FOXL2NB: variants seen among roughly 807,000 people sequenced by gnomAD.
The protein encoded by FOXL2NB is FOXL2 neighbor protein.
Under a neutral mutation model 7.4 loss-of-function variants are expected in FOXL2NB, and 10 were observed. That is an observed-to-expected ratio of 1.34 (90% confidence interval 0.83 to 2.28). FOXL2NB has a LOEUF of 2.28. FOXL2NB is among the 30% of genes most tolerant of loss of function. The pLI is 0.00. For missense variants in FOXL2NB, 228 were observed against 233.9 expected (o/e 0.97, Z 0.17); for synonymous variants, 104 against 105.3 (o/e 0.99, Z 0.08).
At position 138,947,680 on chromosome 3, in the gene FOXL2NB, C is replaced by T; in HGVS notation, c.100+216C>T. 2.2e-6 allele frequency: 3 copies of T among 1,334,186 alleles called. No homozygotes were observed. Among genetic ancestry groups the T allele is most frequent in the African/African-American group, 3.0e-5 (2 of 65,624 alleles). 82.6% of individuals were successfully genotyped at this position (1,334,186 alleles called of 1,614,324 possible). On this transcript the variant is annotated intron_variant, in intron 1 of 2. Coordinates refer to ENST00000383165, the MANE Select transcript of FOXL2NB (RefSeq NM_001040061.3). This position sits in a 1 kb window ranked among gnomAD's most constrained non-coding sequence, Gnocchi z 5.2. ...CCCTCGCGCTCTCAGAGTGACTGGG[C>T]TGGAATGGGGCAGGGGAGAGGATCT...
Position 138,950,952 on chromosome 3 carries a change from C to T in FOXL2NB, c.*380C>T, listed in dbSNP as rs1163958551. On this transcript the variant is annotated 3_prime_UTR_variant, in exon 3 of 3. Transcript: ENST00000383165. The stretch of plus-strand genomic sequence containing the variant: ...AGAAGCCTGTTGATTCTCTGATGTC[C>T]TTGGCCTGTGATTCGGGTGACTGGG... 7.6e-6 allele frequency: 2 copies of T among 261,554 alleles called. No homozygotes were observed. Among genetic ancestry groups the T allele is most frequent in the Non-Finnish European group, 1.4e-5 (2 of 138,626 alleles). 16.2% of individuals were successfully genotyped at this position (261,554 alleles called of 1,614,324 possible).
rs5852928 is a variant in FOXL2NB at position 138,949,391 on chromosome 3, C to CGTGTGTGT, written c.101-110_101-103dup. 0.014 allele frequency: 11,333 copies of CGTGTGTGT among 817,320 alleles called. 194 individuals carry two copies. The highest frequency in any genetic ancestry group is 0.084 in the African/African-American group (4,584 of 54,398). 50.6% of individuals were successfully genotyped at this position (817,320 alleles called of 1,614,324 possible). A position where few individuals can be genotyped will look rare whatever the true frequency, so the allele number is the denominator to read the frequency against. ...AAGAGCCTGTGTGTGTATGCATGTGCGTGTGTGTGTGTGTGTGTGTGTGTG... is the reference window on the plus strand; with the variant it reads ...AAGAGCCTGTGTGTGTATGCATGTGCGTGTGTGTGTGTGTGTGTGTGTGTGTGTGTGTG... On this transcript the variant is annotated intron_variant, in intron 1 of 2. Coordinates refer to ENST00000383165, the MANE Select transcript of FOXL2NB (RefSeq NM_001040061.3). The surrounding 1 kb of genome is among the most constrained non-coding windows in gnomAD (Gnocchi z 4.5).
chr3:138,947,249 C>T lies in FOXL2NB; in HGVS notation c.-116C>T, dbSNP rs1936005296. 3 of 806,290 alleles carry T rather than the reference C, an allele frequency of 3.7e-6. No individual in the cohort carries two copies. The highest frequency in any genetic ancestry group is 5.8e-6 in the Non-Finnish European group (3 of 515,324). The allele number at this position is 806,290 out of a possible 1,614,324, so 49.9% of individuals were successfully genotyped here. A position where few individuals can be genotyped will look rare whatever the true frequency, so the allele number is the denominator to read the frequency against. On this transcript the variant is annotated 5_prime_UTR_variant, in exon 1 of 3. Coordinates refer to ENST00000383165, the MANE Select transcript of FOXL2NB (RefSeq NM_001040061.3). The surrounding 1 kb of genome is among the most constrained non-coding windows in gnomAD (Gnocchi z 5.2). ...TCTCCAAGTCACTTTTTGTAAACGCCCCGCACAGCCTGGACCGGCCTGCCC... is the reference window on the plus strand; with the variant it reads ...TCTCCAAGTCACTTTTTGTAAACGCTCCGCACAGCCTGGACCGGCCTGCCC...
chr3:138,949,778 C>T lies in FOXL2NB; in HGVS notation c.220+139C>T. On this transcript the variant is annotated intron_variant, in intron 2 of 2. Transcript: ENST00000383165. The surrounding 1 kb of genome is among the most constrained non-coding windows in gnomAD (Gnocchi z 4.5). ...CAGAATCCTCTCCTTGCCGGCCCAG[C>T]CAGAGGTGGGTGAACCGGGCGCTCC... is the stretch of plus-strand genomic sequence containing the variant. 1 of 1,308,656 alleles carries T rather than the reference C, an allele frequency of 7.6e-7. No individual in the cohort carries two copies. 81.1% of individuals were successfully genotyped at this position (1,308,656 alleles called of 1,614,324 possible). A position where few individuals can be genotyped will look rare whatever the true frequency, so the allele number is the denominator to read the frequency against.
At position 138,950,658 on chromosome 3, in the gene FOXL2NB, AGG is replaced by A. The variant is rs1936113328; in HGVS notation, c.*88_*89del. On this transcript the variant is annotated 3_prime_UTR_variant, in exon 3 of 3. Transcript: ENST00000383165. ...ACAGGGCCCTTTGCACCCACACCTCAGGGACTCGGTGTCCCTCCACTCAGGTC... is the reference window on the plus strand; with the variant it reads ...ACAGGGCCCTTTGCACCCACACCTCAGACTCGGTGTCCCTCCACTCAGGTC... The A allele has an allele frequency of 3.5e-6, 5 of 1,423,524 alleles. No individual in the cohort carries two copies. Among genetic ancestry groups the A allele is most frequent in the Non-Finnish European group, 4.9e-6 (5 of 1,027,556 alleles). The allele number at this position is 1,423,524 out of a possible 1,614,324, so 88.2% of individuals were successfully genotyped here.
rs934866516 is a variant in FOXL2NB, at chr3:138,953,660, G to A, written c.*3088G>A. On this transcript the variant is annotated 3_prime_UTR_variant, in exon 3 of 3. Transcript: ENST00000383165. Reference sequence around the variant, plus strand: ...ACCACCACCTGGATCAAGATATGGAGCATTTCTGGCACTTCAGAAGGTTCC... The same window carrying A: ...ACCACCACCTGGATCAAGATATGGAACATTTCTGGCACTTCAGAAGGTTCC... Among the ~76,000 whole-genome samples the A allele has an allele frequency of 2.0e-5, 3 of 152,210 alleles. No homozygotes were observed. Among genetic ancestry groups the A allele is most frequent in the African/African-American group, 7.2e-5 (3 of 41,442 alleles).
At position 138,950,728 on chromosome 3, in the gene FOXL2NB, T is replaced by A; in HGVS notation, c.*156T>A. The A allele has an allele frequency of 1.4e-6, 1 of 733,934 alleles. No individual in the cohort carries two copies. The highest frequency in any genetic ancestry group is 2.3e-6 in the Non-Finnish European group (1 of 444,400). The allele number at this position is 733,934 out of a possible 1,614,324, so 45.5% of individuals were successfully genotyped here. A position where few individuals can be genotyped will look rare whatever the true frequency, so the allele number is the denominator to read the frequency against. ...TCTCTCTCCTTCTCCCTCTGTCAAC[T>A]CCAAATCCCCTCTAGTTCTCCCTCC... On this transcript the variant is annotated 3_prime_UTR_variant, in exon 3 of 3. Coordinates refer to ENST00000383165, the MANE Select transcript of FOXL2NB (RefSeq NM_001040061.3).
At position 138,949,417 on chromosome 3, in the gene FOXL2NB, T is replaced by TGTGTGTG; in HGVS notation, c.101-103_101-102insGTGTGTG. ...GTGTGTGTGTGTGTGTGTGTGTGTG[T>TGTGTGTG]AGGGGTTGGGGGCAAATGAAGGAGT... On this transcript the variant is annotated intron_variant, in intron 1 of 2. Coordinates refer to ENST00000383165, the MANE Select transcript of FOXL2NB (RefSeq NM_001040061.3). This position sits in a 1 kb window ranked among gnomAD's most constrained non-coding sequence, Gnocchi z 4.5. The TGTGTGTG allele has an allele frequency of 8.0e-7, 1 of 1,249,104 alleles. No homozygotes were observed. 77.4% of individuals were successfully genotyped at this position (1,249,104 alleles called of 1,614,324 possible).
In FOXL2NB at chr3:138,952,213, TCTCCACCCGCACG is replaced by T. The variant is rs1936145106; in HGVS notation, c.*1644_*1656del. On this transcript the variant is annotated 3_prime_UTR_variant, in exon 3 of 3. Transcript: ENST00000383165. ...CTGGCTTGCAAGGTAAGGCCTGCAGTCTCCACCCGCACGCTAACCCATGAGGGGATGCCAGAGA... is the reference window on the plus strand; with the variant it reads ...CTGGCTTGCAAGGTAAGGCCTGCAGTCTAACCCATGAGGGGATGCCAGAGA... 1 of 152,250 alleles carries T rather than the reference TCTCCACCCGCACG, an allele frequency of 6.6e-6. No homozygotes were observed. The highest frequency in any genetic ancestry group is 6.5e-5 in the Admixed American group (1 of 15,284). The allele number at this position is 152,250 out of a possible 1,614,324, so 9.4% of individuals were successfully genotyped here. A position where few individuals can be genotyped will look rare whatever the true frequency, so the allele number is the denominator to read the frequency against.
Position 138,947,908 on chromosome 3 carries a change from T to C in FOXL2NB, c.100+444T>C. ...TGTTGCCCGGGACTTTGCGGGACTG[T>C]GTATGTGTGTGCACAGGGGTCACAT... On this transcript the variant is annotated intron_variant, in intron 1 of 2. Transcript: ENST00000383165. This position sits in a 1 kb window ranked among gnomAD's most constrained non-coding sequence, Gnocchi z 5.2. The C allele has an allele frequency of 1.0e-6, 1 of 991,538 alleles. No individual in the cohort carries two copies. The highest frequency in any genetic ancestry group is 1.2e-6 in the Non-Finnish European group (1 of 834,214). 61.4% of individuals were successfully genotyped at this position (991,538 alleles called of 1,614,324 possible).
rs1288523967 is a variant in FOXL2NB, at chr3:138,949,560, C to T, written c.141C>T (p.Cys47=). The T allele has an allele frequency of 6.8e-6, 11 of 1,614,032 alleles. No individual in the cohort carries two copies. Among genetic ancestry groups the T allele is most frequent in the African/African-American group, 2.7e-5 (2 of 74,918 alleles). ...ALVKKRMPDA[C]TLGRAGIGLP... ...TGAAGAAGAGGATGCCTGATGCGTGCACCCTGGGAAGGGCTGGAATCGGTC... is the reference window on the plus strand; with the variant it reads ...TGAAGAAGAGGATGCCTGATGCGTGTACCCTGGGAAGGGCTGGAATCGGTC... The change falls in exon 2 of 3, where the codon TGC becomes TGT. Residue 47 remains cysteine (C), a synonymous_variant. Transcript: ENST00000383165. This position sits in a 1 kb window ranked among gnomAD's most constrained non-coding sequence, Gnocchi z 4.5.
At position 138,952,344 on chromosome 3, in the gene FOXL2NB, G is replaced by A. The variant is rs1936147649; in HGVS notation, c.*1772G>A. ...TGATAGGCAACTGCCATGGAGGAAG[G>A]CAGTTTTAGATGCCTAGCTGGCACA... On this transcript the variant is annotated 3_prime_UTR_variant, in exon 3 of 3. Coordinates refer to ENST00000383165, the MANE Select transcript of FOXL2NB (RefSeq NM_001040061.3). 1 of 152,200 alleles carries A rather than the reference G, an allele frequency of 6.6e-6. No homozygotes were observed. Among genetic ancestry groups the A allele is most frequent in the South Asian group, 2.1e-4 (1 of 4,828 alleles). The allele number at this position is 152,200 out of a possible 1,614,324, so 9.4% of individuals were successfully genotyped here.
rs1245997514 is a variant in FOXL2NB, at chr3:138,949,486, A to C, written c.101-34A>C. On this transcript the variant is annotated intron_variant, in intron 1 of 2. Transcript: ENST00000383165. The surrounding 1 kb of genome is among the most constrained non-coding windows in gnomAD (Gnocchi z 4.5). Reference sequence around the variant, plus strand: ...GAATAGAAAGGAGTTCTGCTCTGAAAATACTGATTTCTGACTGTCCCGTAG... The same window carrying C: ...GAATAGAAAGGAGTTCTGCTCTGAACATACTGATTTCTGACTGTCCCGTAG... 8 of 1,613,432 alleles carry C rather than the reference A, an allele frequency of 5.0e-6. No homozygotes were observed. Among genetic ancestry groups the C allele is most frequent in the Non-Finnish European group, 6.8e-6 (8 of 1,179,806 alleles).
At chr3:138,948,033 T>G in intron 1 of FOXL2NB, 1 of 973,952 alleles carries the variant, frequency 1.0e-6, no homozygotes, top group Non-Finnish European at 1.2e-6. Context: ...AGGTGTGAGA[T>G]TTGTATTTAC....
chr3:138,948,458 A>C (rs2107746606), intron 1 of FOXL2NB, among the ~76,000 whole-genome samples: 1 of 152,350 alleles, frequency 6.6e-6, no homozygotes, highest in South Asian at 2.1e-4. Context: ...TGGCCTAAAC[A>C]AAAAGTCTGC....
At position 138,953,680 on chromosome 3, in the gene FOXL2NB, G is replaced by A. The variant is rs892846111; in HGVS notation, c.*3108G>A. The stretch of plus-strand genomic sequence containing the variant: ...ATGGAGCATTTCTGGCACTTCAGAA[G>A]GTTCCTTCATATCTTTTTCCAATCA... On this transcript the variant is annotated 3_prime_UTR_variant, in exon 3 of 3. Transcript: ENST00000383165. Among the ~76,000 whole-genome samples the A allele has an allele frequency of 6.6e-6, 1 of 152,200 alleles. No individual in the cohort carries two copies. Among genetic ancestry groups the A allele is most frequent in the East Asian group, 1.9e-4 (1 of 5,196 alleles).
In FOXL2NB at chr3:138,950,608, A is replaced by G; in HGVS notation, c.*36A>G. ...TACACTCCACGCCTCAACAACTGTC[A>G]GCACTCACTCCCTCCCGGCCCCTCA... On this transcript the variant is annotated 3_prime_UTR_variant, in exon 3 of 3. Transcript: ENST00000383165. The G allele has an allele frequency of 6.2e-7, 1 of 1,607,586 alleles. No individual in the cohort carries two copies.
At position 138,947,659 on chromosome 3, in the gene FOXL2NB, C is replaced by G. The variant is rs1166601747; in HGVS notation, c.100+195C>G. 2.2e-6 allele frequency: 3 copies of G among 1,353,570 alleles called. No individual in the cohort carries two copies. In the Admixed American group the frequency reaches 1.1e-4, roughly 48 times the overall value. 83.8% of individuals were successfully genotyped at this position (1,353,570 alleles called of 1,614,324 possible). ...AGAAGCCTCGGCCTGGCCTGTCCCT[C>G]GCGCTCTCAGAGTGACTGGGCTGGA... On this transcript the variant is annotated intron_variant, in intron 1 of 2. Coordinates refer to ENST00000383165, the MANE Select transcript of FOXL2NB (RefSeq NM_001040061.3). The surrounding 1 kb of genome is among the most constrained non-coding windows in gnomAD (Gnocchi z 5.2).
At position 138,953,680 on chromosome 3, in the gene FOXL2NB, G is replaced by T. The variant is rs892846111; in HGVS notation, c.*3108G>T. ...ATGGAGCATTTCTGGCACTTCAGAA[G>T]GTTCCTTCATATCTTTTTCCAATCA... On this transcript the variant is annotated 3_prime_UTR_variant, in exon 3 of 3. Coordinates refer to ENST00000383165, the MANE Select transcript of FOXL2NB (RefSeq NM_001040061.3). Among the ~76,000 whole-genome samples, 7 of 152,200 alleles carry T rather than the reference G, an allele frequency of 4.6e-5. No individual in the cohort carries two copies. The highest frequency in any genetic ancestry group is 7.2e-5 in the African/African-American group (3 of 41,446).
Sources: allele counts gnomAD v4.1 joint callset (sites outside exome capture counted in the v4.1 genomes callset), GRCh38; gene constraint gnomAD v4.1.1; non-coding constraint Gnocchi (gnomAD v3.1); transcripts MANE v1.5; gene names NCBI Gene and HGNC (gene_info 2026-07-23, HGNC 2026-07-21).